The following ZNF333 variants were observed in gnomAD, a reference collection of about 807,000 sequenced individuals.
ZNF333 encodes zinc finger protein 333.
In ZNF333, 61 loss-of-function variants were observed where a neutral mutation model predicts 76.1. The ratio of observed to expected loss-of-function variants is 0.80; its 90% CI spans 0.65 to 0.99. ZNF333 has a LOEUF of 0.99. ZNF333 is among the 50% of genes least tolerant of loss of function. ZNF333 has a pLI of 0.00. For missense variants in ZNF333, 717 were observed against 822.4 expected, an observed-to-expected ratio of 0.87 and a Z score of 1.57; for synonymous variants, 284 against 305.0, an observed-to-expected ratio of 0.93 and a Z score of 0.72.
intron 7 of ZNF333, chr19:14,707,347 AT>A (rs2042141064): frequency 6.6e-6 from 1 of 151,788 alleles, no homozygotes; most frequent in African/African-American, 2.4e-5. Flanking sequence ...GTCAGGGCTG[AT>A]GTGAACTACA....
intron 7 of ZNF333, among the ~76,000 whole-genome samples, chr19:14,711,740 T>C (rs978784838): frequency 3.3e-5 from 5 of 152,272 alleles, no homozygotes; most frequent in African/African-American, 1.2e-4. Context: ...ACCAATGACA[T>C]GGAGCATTTT....
chr19:14,698,905 T>C lies in ZNF333; in HGVS notation c.224-294T>C, dbSNP rs1195618604. Among the ~76,000 whole-genome samples, 4 of 15,510 alleles carry C rather than the reference T, an allele frequency of 2.6e-4. No individual in the cohort carries two copies. The East Asian group carries it at 0.014, about 55-fold the overall frequency. The allele number at this position is 15,510 out of a possible 152,430, so 10.2% of individuals were successfully genotyped here. On this transcript the variant is annotated intron_variant, in intron 4 of 11. Coordinates refer to ENST00000292530, the MANE Select transcript of ZNF333 (RefSeq NM_032433.4). ...GTACACACACACAAATATAGATATA[T>C]ATATATATATATATATATATATATA...
At chr19:14,717,850 C>T in intron 11 of ZNF333, 117 bp downstream of exon 11, 1 of 944,588 alleles carries the variant, frequency 1.1e-6, no homozygotes, top group Admixed American at 2.4e-5. Flanking sequence ...AGTGTTTACC[C>T]AGAAGGAAGC....
At chr19:14,704,995 G>T in intron 5 of ZNF333, 59 bp from the exon 6 acceptor site, 1 of 1,549,500 alleles carries the variant, frequency 6.5e-7, no homozygotes, top group Non-Finnish European at 8.8e-7. Context: ...GGTCTCTCGG[G>T]CTGAGAACAG....
chr19:14,711,724 T>C (rs2042281076), intron 7 of ZNF333, among the ~76,000 whole-genome samples: 1 of 152,152 alleles, frequency 6.6e-6, no homozygotes, highest in Non-Finnish European at 1.5e-5. Flanking sequence ...GTTCATGTAT[T>C]CATTTACCAA....
At chr19:14,729,013 G>A (rs2732801) in intron 11 of ZNF333, among the ~76,000 whole-genome samples, 58,346 of 152,004 alleles carry the variant, frequency 0.38, 11,573 homozygotes, top group Middle Eastern at 0.5. Flanking sequence ...ATGGTGGGAC[G>A]TGCAGTTTTG....
chr19:14,732,212 G>A (rs1014139322), exon 12 of ZNF333: 2 of 151,936 alleles, frequency 1.3e-5, no homozygotes, highest in Non-Finnish European at 2.9e-5. Flanking sequence ...GCCCTGTGTC[G>A]AGCAAGTCTG....
At chr19:14,698,911 T>TAG (rs1973451984) in intron 4 of ZNF333, among the ~76,000 whole-genome samples, 4 of 20,382 alleles carry the variant, frequency 2.0e-4, no homozygotes, top group Non-Finnish European at 4.1e-4. Flanking sequence ...TATATATATA[T>TAG]ATATATATAT....
chr19:14,719,740 G>A lies in ZNF333; in HGVS notation c.*415G>A, dbSNP rs186674360. 40 of 998,948 alleles carry A rather than the reference G, an allele frequency of 4.0e-5. No individual in the cohort carries two copies. In the East Asian group the frequency reaches 4.1e-3, roughly 103 times the overall value. 61.9% of individuals were successfully genotyped at this position (998,948 alleles called of 1,614,324 possible). On this transcript the variant is annotated 3_prime_UTR_variant, in exon 12 of 12. Coordinates refer to ENST00000292530, the MANE Select transcript of ZNF333 (RefSeq NM_032433.4). ...AATTACATGGTGAGAAGAGTATGTG[G>A]CCTCTTTGTTACTGAGTCATAGGTA...
intron 5 of ZNF333, among the ~76,000 whole-genome samples, chr19:14,699,716 G>T (rs1347699545): frequency 1.3e-5 from 2 of 151,788 alleles, no homozygotes. Context: ...CCTGCCTCAA[G>T]ATTCTTTTTT....
exon 12 of ZNF333, chr19:14,732,243 G>A (rs1193675170): frequency 6.6e-6 from 1 of 152,132 alleles, no homozygotes; most frequent in East Asian, 1.9e-4. Flanking sequence ...TTTCCCAACA[G>A]CATGTGCTCA....
downstream of ZNF333, among the ~76,000 whole-genome samples, chr19:14,726,280 T>C (rs1471124951): frequency 1.3e-5 from 2 of 152,142 alleles, no homozygotes; most frequent in Non-Finnish European, 2.9e-5. Context: ...CGCTAAATCA[T>C]TCTTTTCTCC....
chr19:14,696,158 G>A (rs888818087), intron 4 of ZNF333, among the ~76,000 whole-genome samples: 1 of 152,148 alleles, frequency 6.6e-6, no homozygotes, highest in Non-Finnish European at 1.5e-5. Context: ...GGGATAGAGC[G>A]AGACTCTGTC....
At chr19:14,709,868 G>A (rs11669337) in intron 7 of ZNF333, among the ~76,000 whole-genome samples, 53,977 of 152,090 alleles carry the variant, frequency 0.35, 10,156 homozygotes, top group East Asian at 0.61. Context: ...TGGAATGACA[G>A]CTCGACAGCT....
chr19:14,731,255 C>T, exon 12 of ZNF333: 1 of 1,418,838 alleles, frequency 7.0e-7, no homozygotes, highest in Non-Finnish European at 9.6e-7. Flanking sequence ...CTCTGGATAT[C>T]AAAGGATCAC....
Position 14,693,448 on chromosome 19 carries a change from C to T in ZNF333, c.-41-3C>T. 1 of 1,590,318 alleles carries T rather than the reference C, an allele frequency of 6.3e-7. No homozygotes were observed. The highest frequency in any genetic ancestry group is 1.1e-5 in the South Asian group (1 of 88,922). ...TTTTACCTCAGTGTCTCCTTTATTG[C>T]AGGGAGAACACCGACTGAGACCTCA... On this transcript the variant is annotated splice_polypyrimidine_tract_variant and splice_region_variant and intron_variant, in intron 1 of 11. Coordinates refer to ENST00000292530, the MANE Select transcript of ZNF333 (RefSeq NM_032433.4).
chr19:14,694,906 A>G (rs1239084398), intron 2 of ZNF333, 104 bp from the exon 3 acceptor site: 6 of 1,535,926 alleles, frequency 3.9e-6, no homozygotes, highest in Non-Finnish European at 5.3e-6. Context: ...TGGATTTTCC[A>G]TGCCTGCTGT....
intron 11 of ZNF333, among the ~76,000 whole-genome samples, chr19:14,730,457 T>TC (rs1253080140): frequency 2.6e-3 from 233 of 89,902 alleles, no homozygotes; most frequent in African/African-American, 8.0e-3. Flanking sequence ...CCTCCCTTCC[T>TC]CTCTTTCTTT....
chr19:14,692,210 G>A (rs1339694951), intron 1 of ZNF333, among the ~76,000 whole-genome samples: 2 of 152,210 alleles, frequency 1.3e-5, no homozygotes, highest in Non-Finnish European at 2.9e-5. Context: ...ATATGAGAAC[G>A]TGGAACAGGA....
Sources: allele counts gnomAD v4.1 joint callset (sites outside exome capture counted in the v4.1 genomes callset), GRCh38; gene constraint gnomAD v4.1.1; transcripts MANE v1.5; gene names NCBI Gene and HGNC (gene_info 2026-07-23, HGNC 2026-07-21).